The following SARS1 variants were observed in gnomAD, a reference collection of about 807,000 sequenced individuals.
The protein encoded by SARS1 is serine--tRNA ligase, cytoplasmic.
Under a neutral mutation model 63.7 loss-of-function variants are expected in SARS1, and 25 were observed. The ratio of observed to expected loss-of-function variants is 0.39; its 90% CI spans 0.29 to 0.55. SARS1 has a LOEUF of 0.55. Among genes scored for constraint, SARS1 ranks in the 20% least tolerant of loss-of-function variants. The pLI is 0.62. For missense variants in SARS1, 417 were observed against 649.7 expected (o/e 0.64, Z 3.89); for synonymous variants, 231 against 243.5 (o/e 0.95, Z 0.48).
Position 109,231,688 on chromosome 1 carries a change from A to G in SARS1, c.649A>G (p.Ser217Gly), listed in dbSNP as rs1164326722. ...LIQYALRTLG[S>G]RGYIPIYTPF... Reference sequence around the variant, plus strand: ...CCAGTATGCCCTTCGCACCTTGGGAAGTCGGGGCTACATTCCCATTTATAC... The same window carrying G: ...CCAGTATGCCCTTCGCACCTTGGGAGGTCGGGGCTACATTCCCATTTATAC... Residue 217 changes from serine (S) to glycine (G), a missense_variant, in exon 6 of 11, where the codon AGT becomes GGT. Physicochemically the swap from Ser to Gly is moderately conservative, Grantham distance 56. Around this residue, in one of 3 missense-constraint regions of SARS1, gnomAD observed 359 missense variants for 529.6 expected, o/e 0.68. Coordinates refer to ENST00000234677, the MANE Select transcript of SARS1 (RefSeq NM_006513.4). 6.3e-7 allele frequency: 1 copy of G among 1,593,026 alleles called. No homozygotes were observed. The highest frequency in any genetic ancestry group is 1.4e-5 in the African/African-American group (1 of 73,356).
chr1:109,236,969 T>C, intron 9 of SARS1: 1 of 1,450,266 alleles, frequency 6.9e-7, no homozygotes, highest in Non-Finnish European at 9.1e-7. Flanking sequence ...GCCACAATAG[T>C]AGTTTCTTCC....
chr1:109,234,162 A>C (rs1286481289), intron 6 of SARS1, among the ~76,000 whole-genome samples: 1 of 151,398 alleles, frequency 6.6e-6, no homozygotes, highest in Non-Finnish European at 1.5e-5. Context: ...TACAGGCATG[A>C]GCCATTACGC....
In SARS1 at chr1:109,214,073, C is replaced by T; in HGVS notation, c.81C>T (p.Phe27=). The T allele has an allele frequency of 6.2e-7, 1 of 1,614,162 alleles. No individual in the cohort carries two copies. The highest frequency in any genetic ancestry group is 8.5e-7 in the Non-Finnish European group (1 of 1,180,000). The change falls in exon 1 of 11, where the codon TTC becomes TTT. Residue 27 remains phenylalanine, a synonymous_variant. Transcript: ENST00000234677. The surrounding 1 kb of genome is among the most constrained non-coding windows in gnomAD (Gnocchi z 4.6). ...ALIRETQEKR[F]KDPGLVDQLV... ...TCCGAGAGACGCAGGAGAAGCGCTT[C>T]AAGGACCCGGGACTAGTGGACCAGC...
chr1:109,216,781 C>A, intron 1 of SARS1: 1 of 457,388 alleles, frequency 2.2e-6, no homozygotes, highest in Non-Finnish European at 2.9e-6. Context: ...TGCCACCATG[C>A]CTGGCTAATG....
rs1274397361 is a variant in SARS1, at chr1:109,235,504, G to A, written c.969+73G>A. 9 of 1,220,184 alleles carry A rather than the reference G, an allele frequency of 7.4e-6. No homozygotes were observed. Among genetic ancestry groups the A allele is most frequent in the Non-Finnish European group, 9.3e-6 (8 of 859,196 alleles). 75.6% of individuals were successfully genotyped at this position (1,220,184 alleles called of 1,614,324 possible). A position where few individuals can be genotyped will look rare whatever the true frequency, so the allele number is the denominator to read the frequency against. The stretch of plus-strand genomic sequence containing the variant: ...AATGGTTAGATGAGAGATAGGATCT[G>A]TGTTGCTGAGGCCCATCCTGGCTCC... On this transcript the variant is annotated intron_variant, in intron 7 of 10. Coordinates refer to ENST00000234677, the MANE Select transcript of SARS1 (RefSeq NM_006513.4). This position sits in a 1 kb window ranked among gnomAD's most constrained non-coding sequence, Gnocchi z 4.7.
Position 109,235,866 on chromosome 1 carries a change from G to T in SARS1, c.970-111G>T. On this transcript the variant is annotated intron_variant, in intron 7 of 10. Coordinates refer to ENST00000234677, the MANE Select transcript of SARS1 (RefSeq NM_006513.4). This position sits in a 1 kb window ranked among gnomAD's most constrained non-coding sequence, Gnocchi z 4.7. Reference sequence around the variant, plus strand: ...TCCCAGTTGCTGGGGGCCCAGACTTGCCTGCCTCCCAGTGGTGTGGAAACA... The same window carrying T: ...TCCCAGTTGCTGGGGGCCCAGACTTTCCTGCCTCCCAGTGGTGTGGAAACA... 9.2e-7 allele frequency: 1 copy of T among 1,090,210 alleles called. No individual in the cohort carries two copies. 67.5% of individuals were successfully genotyped at this position (1,090,210 alleles called of 1,614,324 possible).
In SARS1 at chr1:109,230,977, GA is replaced by G. The variant is rs1655197900; in HGVS notation, c.551del (p.Lys184ArgfsTer13). 6.4e-7 allele frequency: 1 copy of G among 1,563,812 alleles called. No individual in the cohort carries two copies. Among genetic ancestry groups the G allele is most frequent in the South Asian group, 1.2e-5 (1 of 83,248 alleles). The stretch of plus-strand genomic sequence containing the variant: ...GGTGATGGTAGATGGCTTTGAAGGC[GA>G]AAAGGGGGCCGTGGTGGCTGGGAGT... ...LVVMVDGFEG[E>X]KGAVVAGSRG... On this transcript the variant is annotated frameshift_variant, in exon 5 of 11. Transcript: ENST00000234677. LOFTEE classifies it high-confidence loss of function.
chr1:109,215,279 T>C, intron 1 of SARS1: 1 of 985,500 alleles, frequency 1.0e-6, no homozygotes, highest in Non-Finnish European at 1.2e-6. Flanking sequence ...TTGTTTAGGA[T>C]AAAACTAGCC....
chr1:109,226,677 A>AAAAAAT (rs1178056468), intron 2 of SARS1, among the ~76,000 whole-genome samples: 34 of 44,958 alleles, frequency 7.6e-4, no homozygotes, highest in South Asian at 4.8e-3. Context: ...AAAAAAAAAA[A>AAAAAAT]ATATATATAT....
At chr1:109,228,063 G>C (rs554292826) in intron 2 of SARS1, among the ~76,000 whole-genome samples, 2 of 152,188 alleles carry the variant, frequency 1.3e-5, no homozygotes, top group East Asian at 3.9e-4. Context: ...TATGTACAGG[G>C]AATGACATTC....
chr1:109,225,433 C>T (rs1655044954), intron 2 of SARS1, among the ~76,000 whole-genome samples: 2 of 152,180 alleles, frequency 1.3e-5, no homozygotes, highest in South Asian at 4.1e-4. Flanking sequence ...AATTCCCATG[C>T]ATACTCCTCC....
Position 109,237,823 on chromosome 1 carries a change from A to G in SARS1, c.1480A>G (p.Lys494Glu), listed in dbSNP as rs754422150. The stretch of plus-strand genomic sequence containing the variant: ...GAAGCAACATGAGGGCAGCAAAAAG[A>G]AAGCAGCAGCAAGAGACGTCACCCT... ...QKKQHEGSKK[K>E]AAARDVTLEN... Residue 494 changes from lysine (K) to glutamate (E), a missense_variant, in exon 11 of 11, where the codon AAA becomes GAA. Coordinates refer to ENST00000234677, the MANE Select transcript of SARS1 (RefSeq NM_006513.4). The surrounding 1 kb of genome is among the most constrained non-coding windows in gnomAD (Gnocchi z 4.1). 1 of 1,614,216 alleles carries G rather than the reference A, an allele frequency of 6.2e-7. No individual in the cohort carries two copies. The highest frequency in any genetic ancestry group is 8.5e-7 in the Non-Finnish European group (1 of 1,180,038).
chr1:109,234,314 G>A (rs1342948209), intron 6 of SARS1, among the ~76,000 whole-genome samples: 2 of 152,044 alleles, frequency 1.3e-5, no homozygotes, highest in Non-Finnish European at 2.9e-5. Flanking sequence ...ATGAGCCACC[G>A]TGCCTGGCCA....
chr1:109,227,102 C>A (rs1263535391), intron 2 of SARS1, among the ~76,000 whole-genome samples: 8 of 150,000 alleles, frequency 5.3e-5, no homozygotes, highest in Non-Finnish European at 1.0e-4. Flanking sequence ...TCAAGCAAGT[C>A]TCCTGCTTCA....
chr1:109,223,835 T>C, intron 1 of SARS1, 143 bp from the exon 2 acceptor site: 2 of 667,284 alleles, frequency 3.0e-6, no homozygotes, highest in South Asian at 3.7e-5. Context: ...TGTAAGATTT[T>C]ATAACTTCAT....
chr1:109,224,037 G>T lies in SARS1; in HGVS notation c.196G>T (p.Glu66Ter). The change falls in exon 2 of 11, where the codon GAG becomes TAG. Residue 66 changes from glutamate to a stop codon, truncating the protein, a stop_gained. Transcript: ENST00000234677. LOFTEE classifies it high-confidence loss of function. The stretch of plus-strand genomic sequence containing the variant: ...GAACCTATGCAGCAAGACAATCGGA[G>T]AGAAAATGAAGGTAAGAGAACTGAA... The part of the protein sequence containing the change: ...LKNLCSKTIG[E>*]KMKKKEPVGD... 1 of 1,613,076 alleles carries T rather than the reference G, an allele frequency of 6.2e-7. No homozygotes were observed. Among genetic ancestry groups the T allele is most frequent in the South Asian group, 1.1e-5 (1 of 91,064 alleles).
Position 109,214,214 on chromosome 1 carries a change from C to A in SARS1, c.136+86C>A. On this transcript the variant is annotated intron_variant, in intron 1 of 10. Transcript: ENST00000234677. This position sits in a 1 kb window ranked among gnomAD's most constrained non-coding sequence, Gnocchi z 4.6. ...CCAGCCACCGCTCCTGAGGCCACAG[C>A]TTCCACCCTTCGTCAGACCCCCTCC... 1 of 1,480,324 alleles carries A rather than the reference C, an allele frequency of 6.8e-7. No individual in the cohort carries two copies. Among genetic ancestry groups the A allele is most frequent in the Admixed American group, 2.0e-5 (1 of 49,644 alleles). 91.7% of individuals were successfully genotyped at this position (1,480,324 alleles called of 1,614,324 possible). A position where few individuals can be genotyped will look rare whatever the true frequency, so the allele number is the denominator to read the frequency against.
At chr1:109,232,349 T>C (rs761626470) in intron 6 of SARS1, among the ~76,000 whole-genome samples, 9 of 152,218 alleles carry the variant, frequency 5.9e-5, no homozygotes, top group Non-Finnish European at 1.0e-4. Flanking sequence ...CTAACACCAA[T>C]AACAGCACCC....
chr1:109,215,690 ATTTCT>A (rs528118961), intron 1 of SARS1: 10 of 937,536 alleles, frequency 1.1e-5, no homozygotes, highest in Non-Finnish European at 1.3e-5. Flanking sequence ...ATGTGAAGTC[ATTTCT>A]TTTCTTTGTT....
Sources: gnomAD v4.1 joint callset for allele counts (sites outside exome capture counted in the v4.1 genomes callset) on GRCh38, gnomAD v4.1.1 for gene constraint, gnomAD v4.1.1 regional missense constraint, Gnocchi (gnomAD v3.1) non-coding constraint, MANE v1.5 for transcripts, NCBI Gene and HGNC (gene_info 2026-07-23, HGNC 2026-07-21) for gene names.